The following COL2A1 variants were observed in gnomAD, a reference collection of about 807,000 sequenced individuals.
COL2A1 encodes the protein collagen alpha-1(II) chain.
In COL2A1, 28 loss-of-function variants were observed where a neutral mutation model predicts 204.5. The ratio of observed to expected loss-of-function variants is 0.14; its 90% CI spans 0.10 to 0.19. The LOEUF is 0.19. COL2A1 is among the 10% of genes least tolerant of loss of function. The probability of loss-of-function intolerance (pLI) is 1.00; values close to 1 mark genes in which losing one functional copy is unlikely to be tolerated. For missense variants in COL2A1, 1,388 were observed against 2,027.5 expected, an observed-to-expected ratio of 0.68 and a Z score of 6.06; for synonymous variants, 708 against 718.7, an observed-to-expected ratio of 0.99 and a Z score of 0.24.
Position 47,976,694 on chromosome 12 carries a change from G to A in COL2A1, c.3435+118C>T. ...TCCACTTCCTCCTCCCTCCAGCCCT[G>A]AGGAAATCCTAGAAACTGCTTAGGG... On this transcript the variant is annotated intron_variant, in intron 48 of 53. Coordinates refer to ENST00000380518, the MANE Select transcript of COL2A1 (RefSeq NM_001844.5). This position sits in a 1 kb window ranked among gnomAD's most constrained non-coding sequence, Gnocchi z 4.3. 2.2e-6 allele frequency: 3 copies of A among 1,378,618 alleles called. No homozygotes were observed. The highest frequency in any genetic ancestry group is 1.9e-5 in the Admixed American group (1 of 52,798). The allele number at this position is 1,378,618 out of a possible 1,614,324, so 85.4% of individuals were successfully genotyped here.
Position 47,976,382 on chromosome 12 carries a change from C to T in COL2A1, c.3489+132G>A. The stretch of plus-strand genomic sequence containing the variant: ...CTGGCCATAGGCACATGAGCCAGTC[C>T]TGCCCCCATTACTGAGTGAGGACCC... On this transcript the variant is annotated intron_variant, in intron 49 of 53. Coordinates refer to ENST00000380518, the MANE Select transcript of COL2A1 (RefSeq NM_001844.5). The surrounding 1 kb of genome is among the most constrained non-coding windows in gnomAD (Gnocchi z 4.3). The T allele has an allele frequency of 9.8e-7, 1 of 1,025,066 alleles. No homozygotes were observed. The highest frequency in any genetic ancestry group is 1.8e-5 in the Admixed American group (1 of 54,084). The allele number at this position is 1,025,066 out of a possible 1,614,324, so 63.5% of individuals were successfully genotyped here.
Position 47,983,435 on chromosome 12 carries a change from G to A in COL2A1, c.1999C>T (p.Leu667Phe), listed in dbSNP as rs121912885. The change falls in exon 31 of 54, where the codon CTT becomes TTT. Residue 667 changes from leucine (L) to phenylalanine (F), a missense_variant. Physicochemically the swap from Leu to Phe is conservative, Grantham distance 22. This residue lies in a region of COL2A1 where 884 missense variants were observed against 1,415.8 expected (regional missense o/e 0.62). Coordinates refer to ENST00000380518, the MANE Select transcript of COL2A1 (RefSeq NM_001844.5). Reference sequence around the variant, plus strand: ...CCTGGGGGACCAGGAGGGCCAGGAAGTCCCTAGAAGCCGAAGTGACAAGCG... The same window carrying A: ...CCTGGGGGACCAGGAGGGCCAGGAAATCCCTAGAAGCCGAAGTGACAAGCG... ...GAPGPSGFQG[L>F]PGPPGPPGEG... 1 of 1,614,114 alleles carries A rather than the reference G, an allele frequency of 6.2e-7. No individual in the cohort carries two copies. Among genetic ancestry groups the A allele is most frequent in the Non-Finnish European group, 8.5e-7 (1 of 1,179,998 alleles).
In COL2A1 at chr12:47,978,796, A is replaced by C. The variant is rs1592203409; in HGVS notation, c.2734-38T>G. 6.2e-7 allele frequency: 1 copy of C among 1,604,246 alleles called. No homozygotes were observed. Among genetic ancestry groups the C allele is most frequent in the Non-Finnish European group, 8.5e-7 (1 of 1,177,008 alleles). On this transcript the variant is annotated intron_variant, in intron 41 of 53. Coordinates refer to ENST00000380518, the MANE Select transcript of COL2A1 (RefSeq NM_001844.5). The surrounding 1 kb of genome is among the most constrained non-coding windows in gnomAD (Gnocchi z 5.5). ...AATGCGGGAAGTGAGGACTCATCTCACCCTTCCTCATCCAGGCTGCCAAAG... is the reference window on the plus strand; with the variant it reads ...AATGCGGGAAGTGAGGACTCATCTCCCCCTTCCTCATCCAGGCTGCCAAAG...
chr12:47,977,358 C>A lies in COL2A1; in HGVS notation c.3235G>T (p.Ala1079Ser), dbSNP rs143363942. ...TCTCCTTGCTTGCCAGTTGGACCAGCGGGGCCAGGGGAGCCAGGGGGCCCA... is the reference window on the plus strand; with the variant it reads ...TCTCCTTGCTTGCCAGTTGGACCAGAGGGGCCAGGGGAGCCAGGGGGCCCA... ...APGPPGSPGPAGPTGKQGDRG... is the reference protein window; with the variant it reads ...APGPPGSPGPSGPTGKQGDRG... Residue 1079 changes from alanine (A) to serine (S), a missense_variant, in exon 46 of 54, where the codon GCT becomes TCT. By Grantham distance (99) the Ala-to-Ser change is moderately conservative. Around this residue, in one of 3 missense-constraint regions of COL2A1, gnomAD observed 884 missense variants for 1,415.8 expected, o/e 0.62. Coordinates refer to ENST00000380518, the MANE Select transcript of COL2A1 (RefSeq NM_001844.5). The A allele has an allele frequency of 6.2e-7, 1 of 1,613,544 alleles. No homozygotes were observed. Among genetic ancestry groups the A allele is most frequent in the Admixed American group, 1.7e-5 (1 of 60,006 alleles).
At chr12:48,002,801 C>G (rs1356169158) in intron 1 of COL2A1, 1 of 152,300 alleles carries the variant, frequency 6.6e-6, no homozygotes, top group Admixed American at 6.5e-5. Flanking sequence ...GAGCGCGCCT[C>G]CAGCTTAGCG....
intron 2 of COL2A1, chr12:47,998,721 C>T: frequency 2.4e-6 from 1 of 413,776 alleles, no homozygotes; most frequent in South Asian, 3.3e-5. Context: ...CAATGAAGAG[C>T]TCAAGATCTA....
At chr12:47,993,393 C>A in intron 15 of COL2A1, 65 bp downstream of exon 15, 1 of 1,263,116 alleles carries the variant, frequency 7.9e-7, no homozygotes, top group Non-Finnish European at 1.2e-6. Context: ...AAAGGGAGCT[C>A]TTTGCAGCCA....
At chr12:47,986,700 C>A in intron 22 of COL2A1, 135 bp downstream of exon 22, 2 of 1,060,988 alleles carry the variant, frequency 1.9e-6, no homozygotes, top group South Asian at 2.5e-5. Context: ...GTTAAGTCTC[C>A]TCCAGGCATA....
At chr12:47,981,300 A>AG in intron 37 of COL2A1, 43 bp downstream of exon 37, 2 of 1,601,336 alleles carry the variant, frequency 1.2e-6, no homozygotes, top group Non-Finnish European at 1.7e-6. Context: ...TCTGGTTCCC[A>AG]GGGGCCTCGG....
chr12:48,004,426 C>T lies in COL2A1; in HGVS notation c.-105G>A. 2 of 652,760 alleles carry T rather than the reference C, an allele frequency of 3.1e-6. No individual in the cohort carries two copies. The highest frequency in any genetic ancestry group is 5.4e-6 in the Non-Finnish European group (2 of 370,762). The allele number at this position is 652,760 out of a possible 1,614,324, so 40.4% of individuals were successfully genotyped here. A position where few individuals can be genotyped will look rare whatever the true frequency, so the allele number is the denominator to read the frequency against. ...CTACCGCGCCCTCATGCAGGAGGCCCTTGGAGCAGGAGGGGGAAGCGGGAG... is the reference window on the plus strand; with the variant it reads ...CTACCGCGCCCTCATGCAGGAGGCCTTTGGAGCAGGAGGGGGAAGCGGGAG... On this transcript the variant is annotated 5_prime_UTR_variant, in exon 1 of 54. Coordinates refer to ENST00000380518, the MANE Select transcript of COL2A1 (RefSeq NM_001844.5).
chr12:47,980,693 G>T lies in COL2A1; in HGVS notation c.2518-32C>A, dbSNP rs1187087664. ...TGGGAAGGAGGAAGCAGGTGAATGA[G>T]GGGCAGGCTAAAACCCTGGAGCTCT... On this transcript the variant is annotated intron_variant, in intron 38 of 53. Coordinates refer to ENST00000380518, the MANE Select transcript of COL2A1 (RefSeq NM_001844.5). This position sits in a 1 kb window ranked among gnomAD's most constrained non-coding sequence, Gnocchi z 4.5. The T allele has an allele frequency of 3.8e-6, 6 of 1,588,616 alleles. No homozygotes were observed. Among genetic ancestry groups the T allele is most frequent in the Non-Finnish European group, 4.3e-6 (5 of 1,164,502 alleles).
In COL2A1 at chr12:48,004,372, C is replaced by A. The variant is rs759068565; in HGVS notation, c.-51G>T. 8 of 1,177,578 alleles carry A rather than the reference C, an allele frequency of 6.8e-6. No homozygotes were observed. The Admixed American group carries it at 1.4e-4, about 21-fold the overall frequency. The allele number at this position is 1,177,578 out of a possible 1,614,324, so 72.9% of individuals were successfully genotyped here. ...CGGGCCCGGGCGGAGCGCAGCGAAA[C>A]GGCAGGAGCACGGCGCGGGTCCGGG... is the stretch of plus-strand genomic sequence containing the variant. On this transcript the variant is annotated 5_prime_UTR_variant, in exon 1 of 54. Transcript: ENST00000380518.
intron 1 of COL2A1, among the ~76,000 whole-genome samples, chr12:48,001,615 G>T (rs1300357735): frequency 6.6e-6 from 1 of 152,210 alleles, no homozygotes; most frequent in Non-Finnish European, 1.5e-5. Context: ...GGGGAAGGGC[G>T]GCCCGGGAAG....
At chr12:47,988,773 C>T (rs1939564397) in intron 18 of COL2A1, among the ~76,000 whole-genome samples, 1 of 152,268 alleles carries the variant, frequency 6.6e-6, no homozygotes, top group African/African-American at 2.4e-5. Flanking sequence ...TTGGAAGAGC[C>T]AGGCACCCCA....
chr12:47,992,695 C>T (rs552421009), intron 16 of COL2A1, among the ~76,000 whole-genome samples, 183 bp downstream of exon 16: 12 of 152,296 alleles, frequency 7.9e-5, no homozygotes, highest in African/African-American at 2.9e-4. Context: ...CCATTCCTAT[C>T]CTTCCTCCTT....
At chr12:47,994,129 T>G in intron 12 of COL2A1, 82 bp from the exon 13 acceptor site, 1 of 1,479,004 alleles carries the variant, frequency 6.8e-7, no homozygotes, top group Non-Finnish European at 9.4e-7. Flanking sequence ...GGGCCTCCAG[T>G]TCCCTTGGGC....
intron 29 of COL2A1, 50 bp from the exon 30 acceptor site, chr12:47,983,786 A>G: frequency 6.5e-7 from 1 of 1,549,686 alleles, no homozygotes; most frequent in Non-Finnish European, 8.7e-7. Flanking sequence ...AGAGACCCTG[A>G]GAGCCACAGC....
At position 47,987,725 on chromosome 12, in the gene COL2A1, G is replaced by A. The variant is rs771139750; in HGVS notation, c.1123-16C>T. 6.3e-7 allele frequency: 1 copy of A among 1,598,082 alleles called. No homozygotes were observed. The highest frequency in any genetic ancestry group is 1.3e-5 in the African/African-American group (1 of 74,624). ...CGGCTTCACCCTGGGAAGAGACAGG[G>A]AGGATGAAATGAAGAAGAAGAGAGG... On this transcript the variant is annotated splice_polypyrimidine_tract_variant and intron_variant, in intron 18 of 53. Coordinates refer to ENST00000380518, the MANE Select transcript of COL2A1 (RefSeq NM_001844.5). This position sits in a 1 kb window ranked among gnomAD's most constrained non-coding sequence, Gnocchi z 4.1.
At chr12:47,998,111 G>A (rs1940050243) in intron 4 of COL2A1, 47 bp from the exon 5 acceptor site, 2 of 1,614,190 alleles carry the variant, frequency 1.2e-6, no homozygotes, top group Non-Finnish European at 1.7e-6. Flanking sequence ...GAGAGCACAA[G>A]GAAATGACCC....
Sources: allele counts gnomAD v4.1 joint callset (sites outside exome capture counted in the v4.1 genomes callset), GRCh38; gene constraint gnomAD v4.1.1; regional missense constraint gnomAD v4.1.1; non-coding constraint Gnocchi (gnomAD v3.1); transcripts MANE v1.5; gene names NCBI Gene and HGNC (gene_info 2026-07-23, HGNC 2026-07-21).